The following GRM1 variants were observed in gnomAD, a reference collection of about 807,000 sequenced individuals.
The protein encoded by GRM1 is glutamate metabotropic receptor 1, also known as metabotropic glutamate receptor 1.
A neutral mutation model predicts 90.9 loss-of-function variants in GRM1; 33 were observed. The observed-to-expected ratio is 0.36, with a 90% CI of 0.28 to 0.49. GRM1 has a LOEUF of 0.49. Among genes scored for constraint, GRM1 ranks in the 20% least tolerant of loss-of-function variants. The pLI, the probability that GRM1 is intolerant of heterozygous loss-of-function variation, is 0.99. For synonymous variants in GRM1, 700 were observed against 613.2 expected (o/e 1.14, Z -2.09); for missense variants, 1,190 against 1,534.3 (o/e 0.78, Z 3.75).
chr6:146,281,266 G>C (rs1782556432), intron 2 of GRM1, among the ~76,000 whole-genome samples: 1 of 152,102 alleles, frequency 6.6e-6, no homozygotes, highest in Non-Finnish European at 1.5e-5. Context: ...ACTAACCAGA[G>C]ACTCAGGGAC....
Position 146,180,397 on chromosome 6 carries a change from A to G in GRM1, c.950+20800A>G, listed in dbSNP as rs1778504256. Among the ~76,000 whole-genome samples the G allele has an allele frequency of 3.9e-5, 6 of 152,280 alleles. No individual in the cohort carries two copies. In the South Asian group the frequency reaches 1.2e-3, roughly 32 times the overall value. Reference sequence around the variant, plus strand: ...TTGGTTTATTTCTATTGTTTATGCAAGAGGAAAAGTTATCTTAACTGATTT... The same window carrying G: ...TTGGTTTATTTCTATTGTTTATGCAGGAGGAAAAGTTATCTTAACTGATTT... On this transcript the variant is annotated intron_variant, in intron 2 of 7. Transcript: ENST00000282753.
At position 146,434,554 on chromosome 6, in the gene GRM1, C is replaced by T. The variant is rs202111427; in HGVS notation, c.3343C>T (p.Arg1115Trp). The change falls in exon 8 of 8, where the codon CGG becomes TGG. Residue 1115 changes from arginine to tryptophan, a missense_variant. This residue lies in a region of GRM1 where 400 missense variants were observed against 360.8 expected (regional missense o/e 1.11). Transcript: ENST00000282753. ...LLQEYVYEHE[R>W]EGNTEEDELE... is the part of the protein sequence containing the mutation. ...CCAGGAGTACGTGTATGAGCACGAG[C>T]GGGAAGGGAACACGGAAGAAGACGA... 37 of 1,613,900 alleles carry T rather than the reference C, an allele frequency of 2.3e-5. No homozygotes were observed. Among genetic ancestry groups the T allele is most frequent in the Non-Finnish European group, 3.0e-5 (35 of 1,180,004 alleles).
At chr6:146,316,532 C>A (rs1392348875) in intron 3 of GRM1, among the ~76,000 whole-genome samples, 2 of 152,198 alleles carry the variant, frequency 1.3e-5, no homozygotes, top group Non-Finnish European at 2.9e-5. Context: ...CCGGCTGATT[C>A]TTTAGTGCCT....
At chr6:146,371,236 A>G (rs1360547993) in intron 5 of GRM1, among the ~76,000 whole-genome samples, 5 of 152,220 alleles carry the variant, frequency 3.3e-5, no homozygotes, top group South Asian at 4.1e-4. Context: ...CTCAAAGAGG[A>G]TATGAAGTGC....
At chr6:146,205,826 T>C (rs1779476278) in intron 2 of GRM1, among the ~76,000 whole-genome samples, 1 of 152,174 alleles carries the variant, frequency 6.6e-6, no homozygotes, top group South Asian at 2.1e-4. Context: ...CCTGCCCCTG[T>C]CCTGATTAAT....
chr6:146,221,675 T>G (rs1046958815), intron 2 of GRM1, among the ~76,000 whole-genome samples: 21 of 152,158 alleles, frequency 1.4e-4, no homozygotes, highest in Admixed American at 1.1e-3. Flanking sequence ...TGTGCTTTTA[T>G]GGTAGAATGA....
intron 1 of GRM1, among the ~76,000 whole-genome samples, chr6:146,126,166 A>T (rs1202999435): frequency 6.6e-6 from 1 of 152,136 alleles, no homozygotes; most frequent in African/African-American, 2.4e-5. Flanking sequence ...AATTAATCTT[A>T]ATGAAGACTG....
chr6:146,423,204 T>A (rs1021849877), intron 7 of GRM1, among the ~76,000 whole-genome samples: 1 of 152,246 alleles, frequency 6.6e-6, no homozygotes, highest in Non-Finnish European at 1.5e-5. Flanking sequence ...GCTTTTACTC[T>A]GGCTTGCTGA....
At chr6:146,072,234 CT>C (rs1776039211) in intron 1 of GRM1, among the ~76,000 whole-genome samples, 2 of 152,102 alleles carry the variant, frequency 1.3e-5, no homozygotes. Flanking sequence ...ACTTCTTTTC[CT>C]TTGCTTTCCT....
rs557752501 is a variant in GRM1 at position 146,434,765 on chromosome 6, G to C, written c.3554G>C (p.Arg1185Pro). The C allele has an allele frequency of 6.3e-7, 1 of 1,599,674 alleles. No individual in the cohort carries two copies. The highest frequency in any genetic ancestry group is 8.5e-7 in the Non-Finnish European group (1 of 1,179,904). ...GTATCCTACGCCTCTGTCATTCTGC[G>C]GGACTACAAGCAAAGCTCTTCCACC... ...PNVSYASVIL[R>P]DYKQSSSTL The change falls in exon 8 of 8, where the codon CGG becomes CCG. Residue 1185 changes from arginine to proline, a missense_variant. By Grantham distance (103) the Arg-to-Pro change is moderately radical. This residue lies in a region of GRM1 where 48 missense variants were observed against 48.5 expected (regional missense o/e 0.99). Transcript: ENST00000282753.
intron 1 of GRM1, among the ~76,000 whole-genome samples, chr6:146,077,509 T>C (rs781192756): frequency 2.6e-5 from 4 of 152,310 alleles, no homozygotes; most frequent in South Asian, 2.1e-4. Context: ...AGACAAATTA[T>C]GAAGCAGAGT....
chr6:146,245,699 A>G (rs563557725), intron 2 of GRM1, among the ~76,000 whole-genome samples: 2 of 152,330 alleles, frequency 1.3e-5, no homozygotes, highest in African/African-American at 2.4e-5. Context: ...TAATGCTCAT[A>G]TGACAATTAT....
chr6:146,181,149 A>G (rs1778536906), intron 2 of GRM1, among the ~76,000 whole-genome samples: 1 of 152,038 alleles, frequency 6.6e-6, no homozygotes, highest in Non-Finnish European at 1.5e-5. Flanking sequence ...CATGGATAAC[A>G]TGCATTTCAG....
intron 2 of GRM1, among the ~76,000 whole-genome samples, chr6:146,239,347 C>A (rs1780767096): frequency 6.6e-6 from 1 of 152,080 alleles, no homozygotes; most frequent in South Asian, 2.1e-4. Context: ...CATTACTATT[C>A]TGTAGGAAGT....
chr6:146,028,430 C>G (rs1790577994), upstream of GRM1, among the ~76,000 whole-genome samples: 1 of 151,986 alleles, frequency 6.6e-6, no homozygotes, highest in Non-Finnish European at 1.5e-5. Flanking sequence ...AGGGCTCAGG[C>G]TGCCGCGGCG....
At chr6:146,235,598 A>G (rs540582045) in intron 2 of GRM1, among the ~76,000 whole-genome samples, 2 of 150,478 alleles carry the variant, frequency 1.3e-5, no homozygotes, top group East Asian at 3.9e-4. Flanking sequence ...GTTCAGTTTG[A>G]TTGACTTTTA....
intron 2 of GRM1, among the ~76,000 whole-genome samples, chr6:146,285,098 C>T (rs1013645059): frequency 6.6e-6 from 1 of 152,308 alleles, no homozygotes; most frequent in East Asian, 1.9e-4. Context: ...GTCATCTAGA[C>T]AAATTTCTAT....
chr6:146,156,184 T>G (rs1435094325), intron 1 of GRM1, among the ~76,000 whole-genome samples: 1 of 152,132 alleles, frequency 6.6e-6, no homozygotes, highest in Non-Finnish European at 1.5e-5. Flanking sequence ...GGCAGGTTGA[T>G]CATCTGAGGT....
rs191039209 is a variant in GRM1, at chr6:146,163,572, T to A, written c.950+3975T>A. Among the ~76,000 whole-genome samples the A allele has an allele frequency of 5.5e-3, 845 of 152,272 alleles. 2 individuals are homozygous for A. The highest frequency in any genetic ancestry group is 0.01 in the Middle Eastern group (3 of 294). On this transcript the variant is annotated intron_variant, in intron 2 of 7. Transcript: ENST00000282753. ...GGATTTGAAGTTAGGGACTGCAACA[T>A]CAGAATCTGTGCTGTTAATTAGTAA...
Sources: gnomAD v4.1 joint callset for allele counts (sites outside exome capture counted in the v4.1 genomes callset) on GRCh38, gnomAD v4.1.1 for gene constraint, gnomAD v4.1.1 regional missense constraint, MANE v1.5 for transcripts, NCBI Gene and HGNC (gene_info 2026-07-23, HGNC 2026-07-21) for gene names.